The following SAMD12 variants were observed in gnomAD, a reference collection of about 807,000 sequenced individuals.
SAMD12 encodes sterile alpha motif domain-containing protein 12.
In SAMD12, 9 loss-of-function variants were observed where a neutral mutation model predicts 15.0. The observed-to-expected ratio is 0.60, with a 90% confidence interval of 0.36 to 1.05. The LOEUF (loss-of-function observed/expected upper bound fraction) is 1.05. SAMD12 is among the 50% of genes least tolerant of loss of function. The pLI is 0.01. For missense variants in SAMD12, 230 were observed against 234.2 expected, an observed-to-expected ratio of 0.98 and a Z score of 0.12; for synonymous variants, 86 against 90.1, an observed-to-expected ratio of 0.96 and a Z score of 0.25.
At position 118,470,915 on chromosome 8, in the gene SAMD12, T is replaced by C. The variant is rs1015913744; in HGVS notation, c.193-30954A>G. On this transcript the variant is annotated intron_variant, in intron 2 of 3. Transcript: ENST00000314727. ...ACAGTAATGATTTTAAGACTTGGAT[T>C]AATTTTATGTACAACTAAGACAGAA... Among the ~76,000 whole-genome samples the C allele has an allele frequency of 4.6e-5, 7 of 152,336 alleles. No individual in the cohort carries two copies. In the East Asian group the frequency reaches 1.3e-3, roughly 29 times the overall value.
chr8:118,241,384 G>C (rs1408131257), intron 4 of SAMD12, among the ~76,000 whole-genome samples: 1 of 152,104 alleles, frequency 6.6e-6, no homozygotes, highest in African/African-American at 2.4e-5. Flanking sequence ...TGTTCAGAGA[G>C]ATGAGTTGCC....
chr8:118,464,191 T>C (rs1396082960), intron 2 of SAMD12, among the ~76,000 whole-genome samples: 1 of 152,174 alleles, frequency 6.6e-6, no homozygotes, highest in Non-Finnish European at 1.5e-5. Context: ...CATATAACCA[T>C]TGTAAAGAAA....
chr8:118,343,554 G>T (rs5027736), intron 4 of SAMD12, among the ~76,000 whole-genome samples: 26,857 of 151,956 alleles, frequency 0.18, 2,648 homozygotes, highest in Non-Finnish European at 0.24. Flanking sequence ...GAGGGGCTGG[G>T]TTGGGATTAG....
At chr8:118,577,792 C>T (rs554439988) in intron 2 of SAMD12, among the ~76,000 whole-genome samples, 5 of 152,236 alleles carry the variant, frequency 3.3e-5, no homozygotes, top group African/African-American at 1.2e-4. Flanking sequence ...CGATAACTCA[C>T]TTCTCTGACA....
intron 4 of SAMD12, among the ~76,000 whole-genome samples, chr8:118,314,781 T>TCCTTACACCCACTGAAGGATAA (rs1233832473): frequency 6.6e-6 from 1 of 152,178 alleles, no homozygotes; most frequent in African/African-American, 2.4e-5. Context: ...CCACTGTACA[T>TCCTTACACCCACTGAAGGATAA]CCTTACACCC....
the SAMD12 span, among the ~76,000 whole-genome samples, chr8:118,176,667 A>G: frequency 4.7e-4 from 71 of 152,274 alleles, no homozygotes; most frequent in African/African-American, 1.6e-3. Context: ...GGATGGGAGG[A>G]GGGTGAGAAT....
intron 3 of SAMD12, among the ~76,000 whole-genome samples, chr8:118,417,451 A>G (rs908857024): frequency 6.6e-6 from 1 of 152,188 alleles, no homozygotes; most frequent in African/African-American, 2.4e-5. Flanking sequence ...ATTCTAGTAG[A>G]TAGAGCTGGC....
At chr8:118,163,894 A>G in the SAMD12 span, among the ~76,000 whole-genome samples, 78 of 149,694 alleles carry the variant, frequency 5.2e-4, no homozygotes, top group African/African-American at 1.7e-3. Context: ...AAAACAAAAC[A>G]AAACAAAACA....
chr8:118,526,530 G>A (rs887457177), intron 2 of SAMD12, among the ~76,000 whole-genome samples: 2 of 152,018 alleles, frequency 1.3e-5, no homozygotes, highest in Non-Finnish European at 2.9e-5. Context: ...ACCAAGTTTA[G>A]CAAGCAGGAA....
At chr8:118,172,326 A>G in the SAMD12 span, among the ~76,000 whole-genome samples, 1,801 of 152,342 alleles carry the variant, frequency 0.012, 14 homozygotes, top group Middle Eastern at 0.044. Flanking sequence ...TTTTTAAAAA[A>G]GAAAGAAAAA....
chr8:118,397,353 C>A (rs1183767408), intron 3 of SAMD12, among the ~76,000 whole-genome samples: 1 of 152,146 alleles, frequency 6.6e-6, no homozygotes, highest in Non-Finnish European at 1.5e-5. Context: ...GGAAAAAAAT[C>A]TGGGAGAATG....
At chr8:118,162,106 G>A in the SAMD12 span, among the ~76,000 whole-genome samples, 1 of 150,680 alleles carries the variant, frequency 6.6e-6, no homozygotes, top group Admixed American at 6.6e-5. Context: ...GTTTCAGTGA[G>A]CCGAGATCAC....
intron 4 of SAMD12, among the ~76,000 whole-genome samples, chr8:118,207,181 T>G (rs537380736): frequency 8.5e-5 from 13 of 152,272 alleles, no homozygotes; most frequent in Non-Finnish European, 1.6e-4. Context: ...TGGGGAATGT[T>G]TCCCTAGAAA....
At chr8:118,543,824 A>G (rs1416062433) in intron 2 of SAMD12, among the ~76,000 whole-genome samples, 1 of 152,022 alleles carries the variant, frequency 6.6e-6, no homozygotes, top group African/African-American at 2.4e-5. Context: ...TTCTGACACC[A>G]TTTAAAGTCT....
chr8:118,393,284 C>A (rs996335526), intron 3 of SAMD12, among the ~76,000 whole-genome samples: 1 of 152,148 alleles, frequency 6.6e-6, no homozygotes, highest in Non-Finnish European at 1.5e-5. Context: ...GTGATCATGT[C>A]TCACCACGGC....
chr8:118,446,113 G>T (rs1240657467), intron 2 of SAMD12, among the ~76,000 whole-genome samples: 1 of 151,866 alleles, frequency 6.6e-6, no homozygotes, highest in Non-Finnish European at 1.5e-5. Context: ...ATAAACAAAA[G>T]CTCTTTGAGG....
the SAMD12 span, among the ~76,000 whole-genome samples, chr8:118,142,624 G>C: frequency 6.6e-5 from 10 of 152,320 alleles, no homozygotes; most frequent in Admixed American, 6.5e-4. Flanking sequence ...CCTGCTATCT[G>C]CTTCTATAAC....
the SAMD12 span, among the ~76,000 whole-genome samples, chr8:118,137,410 G>T: frequency 1.3e-5 from 2 of 152,194 alleles, no homozygotes; most frequent in Non-Finnish European, 1.5e-5. Flanking sequence ...TTTGCAAAGG[G>T]AGTGGCCTCT....
intron 4 of SAMD12, among the ~76,000 whole-genome samples, chr8:118,218,575 A>G (rs1219537055): frequency 7.6e-6 from 1 of 130,722 alleles, no homozygotes; most frequent in Non-Finnish European, 1.5e-5. Flanking sequence ...ACTCTCTGCT[A>G]TGAGTTCAAC....
Sources: allele counts gnomAD v4.1 joint callset (sites outside exome capture counted in the v4.1 genomes callset), GRCh38; gene constraint gnomAD v4.1.1; transcripts MANE v1.5; gene names NCBI Gene and HGNC (gene_info 2026-07-23, HGNC 2026-07-21).